The following COL6A5 variants were observed in gnomAD, a reference collection of about 807,000 sequenced individuals.
COL6A5 encodes collagen alpha-5(VI) chain.
COL6A5 carries 48 observed loss-of-function variants against 65.6 expected under a neutral mutation model. That is an observed-to-expected ratio of 0.73 (90% CI 0.58 to 0.93). The LOEUF is 0.93. Ranked by LOEUF, COL6A5 falls within the 40% of genes least tolerant of loss-of-function variation. The probability of loss-of-function intolerance (pLI) is 0.00; values close to 1 mark genes in which losing one functional copy is unlikely to be tolerated. For missense variants in COL6A5, 914 were observed against 928.3 expected (o/e 0.98, Z 0.20); for synonymous variants, 291 against 322.8 (o/e 0.90, Z 1.05).
At chr3:130,477,109 C>T in intron 7 of COL6A5, 4 of 1,463,332 alleles carry the variant, frequency 2.7e-6, no homozygotes, top group Non-Finnish European at 3.7e-6. Flanking sequence ...ATACTTTCGT[C>T]ATAGTGATTC....
chr3:130,455,680 A>ATATTCTTACCAAGCTTAAGATTTCTCT lies in COL6A5; in HGVS notation c.1544+14_1544+15insTATTCTTACCAAGCTTAAGATTTCTCT. The ATATTCTTACCAAGCTTAAGATTTCTCT allele has an allele frequency of 6.3e-7, 1 of 1,575,798 alleles. No individual in the cohort carries two copies. The highest frequency in any genetic ancestry group is 8.7e-7 in the Non-Finnish European group (1 of 1,146,550). ...GTCTCACTTCTGGTAAGAAAATGAA[A>ATATTCTTACCAAGCTTAAGATTTCTCT]AGTCATGATGGAAATGTTTAAATAG... On this transcript the variant is annotated intron_variant, in intron 5 of 7. Transcript: ENST00000512836.
chr3:130,412,854 A>C (rs1937220798), intron 20 of COL6A5, among the ~76,000 whole-genome samples: 1 of 152,186 alleles, frequency 6.6e-6, no homozygotes, highest in African/African-American at 2.4e-5. Flanking sequence ...AGAAAACAGC[A>C]GTTCCAAAAT....
chr3:130,433,996 C>A (rs977910090), intron 1 of COL6A5, among the ~76,000 whole-genome samples: 2 of 150,754 alleles, frequency 1.3e-5, no homozygotes, highest in Non-Finnish European at 2.9e-5. Context: ...AAACAGGATA[C>A]ATGTGCAGAA....
chr3:130,365,583 G>A (rs1402376324), intron 1 of COL6A5, among the ~76,000 whole-genome samples: 1 of 152,112 alleles, frequency 6.6e-6, no homozygotes, highest in Non-Finnish European at 1.5e-5. Context: ...GGCCTAAGAT[G>A]TTTTATGTAC....
rs1165370479 is a variant in COL6A5 at position 130,439,507 on chromosome 3, T to G, written c.488-15T>G. 1 of 1,541,806 alleles carries G rather than the reference T, an allele frequency of 6.5e-7. No homozygotes were observed. Among genetic ancestry groups the G allele is most frequent in the South Asian group, 1.2e-5 (1 of 83,472 alleles). On this transcript the variant is annotated splice_polypyrimidine_tract_variant and intron_variant, in intron 1 of 7. Coordinates refer to ENST00000512836, the Ensembl canonical transcript of COL6A5. ...AACAATGAGCAAACATGCGTTCACT[T>G]CTTTTCCAATGCAGTTTGACAACAC...
intron 27 of COL6A5, 73 bp downstream of exon 27, chr3:130,421,433 G>A (rs1937515975): frequency 6.4e-6 from 9 of 1,407,520 alleles, no homozygotes; most frequent in Non-Finnish European, 8.8e-6. Context: ...AAACCTGTAG[G>A]TCTGAATGAA....
intron 8 of COL6A5, among the ~76,000 whole-genome samples, chr3:130,396,863 T>C (rs977865136): frequency 4.6e-5 from 7 of 152,216 alleles, no homozygotes; most frequent in Admixed American, 3.9e-4. Context: ...TTATTTATTT[T>C]TTGTTTTTTA....
intron 3 of COL6A5, among the ~76,000 whole-genome samples, chr3:130,379,158 G>T (rs577283553): frequency 6.6e-6 from 1 of 152,058 alleles, no homozygotes; most frequent in Non-Finnish European, 1.5e-5. Context: ...AGATAATAGT[G>T]GTGGTGGTCA....
chr3:130,385,222 T>C, exon 5 of COL6A5: 8 of 1,551,036 alleles, frequency 5.2e-6, no homozygotes, highest in Non-Finnish European at 7.0e-6. Context: ...AAATCACTGT[T>C]CATGCAGTTG....
At chr3:130,414,718 G>A (rs1937287549) in intron 22 of COL6A5, among the ~76,000 whole-genome samples, 1 of 152,052 alleles carries the variant, frequency 6.6e-6, no homozygotes, top group Non-Finnish European at 1.5e-5. Context: ...GCACATGGTT[G>A]TTTAGTCATC....
At chr3:130,394,956 A>G (rs1358893060) in exon 8 of COL6A5, 1 of 1,551,622 alleles carries the variant, frequency 6.4e-7, no homozygotes, top group Non-Finnish European at 8.7e-7. Flanking sequence ...TCTAATTCAG[A>G]TTTTGTAACC....
chr3:130,360,760 C>T (rs1935077952), intron 1 of COL6A5, among the ~76,000 whole-genome samples: 2 of 152,104 alleles, frequency 1.3e-5, no homozygotes. Context: ...ATGATAAAAT[C>T]ATTCATCATC....
At chr3:130,461,425 G>A (rs1709698792) in intron 5 of COL6A5, among the ~76,000 whole-genome samples, 1 of 152,074 alleles carries the variant, frequency 6.6e-6, no homozygotes, top group Non-Finnish European at 1.5e-5. Context: ...GCACTTTATA[G>A]ACATTATTTT....
At chr3:130,401,094 A>C (rs1936798723) in exon 11 of COL6A5, 1 of 1,551,176 alleles carries the variant, frequency 6.4e-7, no homozygotes, top group African/African-American at 1.4e-5. Flanking sequence ...TCTAGCTTTG[A>C]ATTTGGAAAA....
chr3:130,395,095 C>A (rs1428582835), exon 8 of COL6A5: 5 of 1,551,534 alleles, frequency 3.2e-6, no homozygotes, highest in Non-Finnish European at 4.4e-6. Flanking sequence ...TGACTAAAAC[C>A]CAGTGGAAGA....
chr3:130,463,775 T>G (rs1709752004), intron 5 of COL6A5, among the ~76,000 whole-genome samples: 1 of 152,108 alleles, frequency 6.6e-6, no homozygotes, highest in African/African-American at 2.4e-5. Flanking sequence ...AAAGAAAATA[T>G]TTTTGAAGAC....
At chr3:130,377,910 A>G (rs28570274) in intron 3 of COL6A5, among the ~76,000 whole-genome samples, 12,642 of 152,146 alleles carry the variant, frequency 0.083, 1,122 homozygotes, top group East Asian at 0.33. Context: ...TTCAGAGTAG[A>G]TTGGTAGATT....
chr3:130,450,894 G>A (rs990016481), intron 4 of COL6A5, among the ~76,000 whole-genome samples: 1 of 152,108 alleles, frequency 6.6e-6, no homozygotes, highest in Admixed American at 6.5e-5. Context: ...CCTGTGAGCT[G>A]AGCCTGAGTA....
chr3:130,431,408 G>A, upstream of COL6A5: 1 of 1,536,908 alleles, frequency 6.5e-7, no homozygotes, highest in Non-Finnish European at 8.8e-7. Flanking sequence ...TAAAGAGTTG[G>A]GGAAAGGATT....
Sources: gnomAD v4.1 joint callset for allele counts (sites outside exome capture counted in the v4.1 genomes callset) on GRCh38, gnomAD v4.1.1 for gene constraint, MANE v1.5 for transcripts, NCBI Gene and HGNC (gene_info 2026-07-23, HGNC 2026-07-21) for gene names.